The following NUDCD1 variants were observed in gnomAD, a reference collection of about 807,000 sequenced individuals.
The protein encoded by NUDCD1 is NudC domain containing 1.
NUDCD1 carries 60 observed loss-of-function variants against 67.8 expected under a neutral mutation model. The ratio of observed to expected loss-of-function variants is 0.88; its 90% CI spans 0.72 to 1.10. The LOEUF (loss-of-function observed/expected upper bound fraction) is 1.10. Among genes scored for constraint, NUDCD1 ranks in the 50% least tolerant of loss-of-function variants. The probability of loss-of-function intolerance (pLI) is 0.00; values close to 1 mark genes in which losing one functional copy is unlikely to be tolerated. For synonymous variants in NUDCD1, 244 were observed against 230.8 expected (o/e 1.06, Z -0.52); for missense variants, 643 against 695.0 (o/e 0.93, Z 0.84).
chr8:109,247,568 C>T (rs1023300130), intron 8 of NUDCD1, among the ~76,000 whole-genome samples: 2 of 152,200 alleles, frequency 1.3e-5, no homozygotes, highest in East Asian at 1.9e-4. Context: ...ACTTACCTTA[C>T]GCATATTTCC....
At chr8:109,299,833 A>T (rs1160217731) in intron 2 of NUDCD1, among the ~76,000 whole-genome samples, 1 of 152,178 alleles carries the variant, frequency 6.6e-6, no homozygotes, top group African/African-American at 2.4e-5. Context: ...AAAGCTAAGA[A>T]TCCTCACAGA....
At chr8:109,256,188 T>A (rs1004220292) in intron 8 of NUDCD1, among the ~76,000 whole-genome samples, 13 of 152,134 alleles carry the variant, frequency 8.5e-5, no homozygotes, top group African/African-American at 3.1e-4. Context: ...GACAGAGCGA[T>A]ACCCGTCTCA....
At chr8:109,270,090 A>AGGGGG (rs1563665962) in intron 8 of NUDCD1, among the ~76,000 whole-genome samples, 17 of 7,592 alleles carry the variant, frequency 2.2e-3, no homozygotes, top group African/African-American at 5.0e-3. Flanking sequence ...GGGTGCCTTA[A>AGGGGG]GGTGGGGTGT....
At chr8:109,282,316 C>T (rs1563670589) in intron 5 of NUDCD1, among the ~76,000 whole-genome samples, 2 of 152,108 alleles carry the variant, frequency 1.3e-5, no homozygotes, top group Admixed American at 6.5e-5. Flanking sequence ...TTGGCTGTTA[C>T]TAACAAGCAC....
intron 1 of NUDCD1, among the ~76,000 whole-genome samples, chr8:109,323,770 AAT>A (rs752657983): frequency 4.5e-4 from 69 of 152,218 alleles, no homozygotes; most frequent in Non-Finnish European, 9.0e-4. Context: ...ATGGATCAGA[AAT>A]AAATCCATGT....
At position 109,250,542 on chromosome 8, in the gene NUDCD1, G is replaced by A. The variant is rs970325401; in HGVS notation, c.1300-5061C>T. 2.6e-5 allele frequency among the ~76,000 whole-genome samples: 4 copies of A among 152,080 alleles called. No individual in the cohort carries two copies. The East Asian group carries it at 5.8e-4, about 22-fold the overall frequency. On this transcript the variant is annotated intron_variant, in intron 8 of 9. Coordinates refer to ENST00000239690, the MANE Select transcript of NUDCD1 (RefSeq NM_032869.4). ...GCATTATGCTTAACAGGAGTAATGC[G>A]AGCAGACATCTTGGCCTGTTCCCAG...
chr8:109,287,593 A>C (rs1029236049), intron 5 of NUDCD1, among the ~76,000 whole-genome samples: 11 of 152,262 alleles, frequency 7.2e-5, no homozygotes, highest in Admixed American at 4.6e-4. Context: ...AACACTGGGT[A>C]CTCATGGACA....
At chr8:109,250,299 T>A (rs1200274324) in intron 8 of NUDCD1, among the ~76,000 whole-genome samples, 1 of 152,250 alleles carries the variant, frequency 6.6e-6, no homozygotes, top group Non-Finnish European at 1.5e-5. Context: ...CACTGCCAGA[T>A]GTTTGCTACT....
At chr8:109,331,388 C>T (rs2926246) in intron 1 of NUDCD1, among the ~76,000 whole-genome samples, 54,760 of 151,540 alleles carry the variant, frequency 0.36, 10,704 homozygotes, top group South Asian at 0.5. Context: ...TGGTGGCGGG[C>T]GCCTGTAATC....
At chr8:109,264,806 C>T (rs1229093737) in intron 8 of NUDCD1, among the ~76,000 whole-genome samples, 1 of 150,024 alleles carries the variant, frequency 6.7e-6, no homozygotes, top group Non-Finnish European at 1.5e-5. Flanking sequence ...TTAATGCAGA[C>T]ATTAGAGAGA....
intron 2 of NUDCD1, among the ~76,000 whole-genome samples, chr8:109,308,288 G>A (rs1177649648): frequency 6.6e-6 from 1 of 152,146 alleles, no homozygotes; most frequent in African/African-American, 2.4e-5. Context: ...GCAGACAATA[G>A]TGACACAACC....
chr8:109,307,063 T>G (rs188491111), intron 2 of NUDCD1, among the ~76,000 whole-genome samples: 1 of 152,142 alleles, frequency 6.6e-6, no homozygotes, highest in Non-Finnish European at 1.5e-5. Context: ...AGTTAAGCCA[T>G]CATATCCCCT....
In NUDCD1 at chr8:109,334,055, A is replaced by G; in HGVS notation, c.-45T>C. The stretch of plus-strand genomic sequence containing the variant: ...GTGAGAATTAATAAAGCCCTTGTTG[A>G]AAGGTCCGCGCTTCACGCCTCGCAC... On this transcript the variant is annotated 5_prime_UTR_variant, in exon 1 of 10. Coordinates refer to ENST00000239690, the MANE Select transcript of NUDCD1 (RefSeq NM_032869.4). 6.2e-7 allele frequency: 1 copy of G among 1,612,394 alleles called. No homozygotes were observed.
intron 8 of NUDCD1, among the ~76,000 whole-genome samples, chr8:109,253,215 T>C (rs1004772143): frequency 6.6e-6 from 1 of 152,090 alleles, no homozygotes; most frequent in African/African-American, 2.4e-5. Flanking sequence ...GAAGTTTAAA[T>C]ACCAAAAAAT....
chr8:109,246,533 G>A (rs1417921281), intron 8 of NUDCD1, among the ~76,000 whole-genome samples: 2 of 152,132 alleles, frequency 1.3e-5, no homozygotes, highest in East Asian at 1.9e-4. Flanking sequence ...ATTTGTTATT[G>A]TAACACATCA....
At chr8:109,330,780 C>T (rs1443897085) in intron 1 of NUDCD1, among the ~76,000 whole-genome samples, 1 of 152,094 alleles carries the variant, frequency 6.6e-6, no homozygotes, top group Non-Finnish European at 1.5e-5. Context: ...AACAAACCAA[C>T]GAAGGAACAG....
intron 6 of NUDCD1, among the ~76,000 whole-genome samples, chr8:109,277,464 CA>C (rs113778207): frequency 2.0e-4 from 29 of 143,964 alleles, no homozygotes; most frequent in South Asian, 6.7e-4. Context: ...ACCATCCAAG[CA>C]AAAAAAAAAC....
chr8:109,293,966 A>G (rs886484079), intron 3 of NUDCD1, among the ~76,000 whole-genome samples: 6 of 152,126 alleles, frequency 3.9e-5, no homozygotes, highest in African/African-American at 1.4e-4. Context: ...AACAAACTCT[A>G]TTTAAAATAA....
intron 8 of NUDCD1, among the ~76,000 whole-genome samples, chr8:109,247,338 G>T (rs1225722067): frequency 3.3e-5 from 5 of 152,108 alleles, no homozygotes; most frequent in African/African-American, 2.4e-5. Flanking sequence ...AGTGCCTAAA[G>T]AATGTATTGA....
Sources: allele counts gnomAD v4.1 joint callset (sites outside exome capture counted in the v4.1 genomes callset), GRCh38; gene constraint gnomAD v4.1.1; transcripts MANE v1.5; gene names NCBI Gene and HGNC (gene_info 2026-07-23, HGNC 2026-07-21).